CHD6: variants seen among roughly 807,000 people sequenced by gnomAD.
CHD6 encodes the protein ATP-dependent chromatin remodeler CHD6.
In CHD6, 50 loss-of-function variants were observed where a neutral mutation model predicts 276.9. That is an observed-to-expected ratio of 0.18 (90% CI 0.14 to 0.23). The LOEUF is 0.23. CHD6 is among the 10% of genes least tolerant of loss of function. The probability of loss-of-function intolerance (pLI) is 1.00; values close to 1 mark genes in which losing one functional copy is unlikely to be tolerated. For synonymous variants in CHD6, 1,173 were observed against 1,229.3 expected (o/e 0.95, Z 0.96); for missense variants, 2,564 against 3,365.8 (o/e 0.76, Z 5.89).
intron 16 of CHD6, among the ~76,000 whole-genome samples, chr20:41,481,796 T>C (rs889380032): frequency 6.6e-6 from 1 of 151,902 alleles, no homozygotes; most frequent in African/African-American, 2.4e-5. Flanking sequence ...ATCACATAGA[T>C]CATTAAAATT....
intron 1 of CHD6, among the ~76,000 whole-genome samples, chr20:41,585,122 A>G (rs2045580046): frequency 6.6e-6 from 1 of 152,230 alleles, no homozygotes; most frequent in South Asian, 2.1e-4. Context: ...AAATAATGGA[A>G]TATTATTAGC....
chr20:41,534,271 C>T lies in CHD6; in HGVS notation c.34-701G>A, dbSNP rs138693992. Among the ~76,000 whole-genome samples, 976 of 152,272 alleles carry T rather than the reference C, an allele frequency of 6.4e-3. 10 individuals carry two copies. Among genetic ancestry groups the T allele is most frequent in the Middle Eastern group, 0.024 (7 of 294 alleles). On this transcript the variant is annotated intron_variant, in intron 2 of 36. Transcript: ENST00000373233. ...GGGACAAGCAGGCTTTCTAAGAAGACAGTTACAATCATCTTTGCATGATGG... is the reference window on the plus strand; with the variant it reads ...GGGACAAGCAGGCTTTCTAAGAAGATAGTTACAATCATCTTTGCATGATGG...
intron 17 of CHD6, among the ~76,000 whole-genome samples, chr20:41,466,326 AT>A (rs36062360): frequency 6.6e-6 from 1 of 151,884 alleles, no homozygotes. Flanking sequence ...TTTCCACCTT[AT>A]TTTTTTTCCC....
intron 1 of CHD6, among the ~76,000 whole-genome samples, chr20:41,572,506 T>C (rs1247353942): frequency 6.6e-6 from 1 of 152,038 alleles, no homozygotes; most frequent in Admixed American, 6.5e-5. Flanking sequence ...CCTGCAGCCC[T>C]CCTAAAAAGG....
chr20:41,434,176 AC>A (rs1474866450), intron 27 of CHD6, among the ~76,000 whole-genome samples: 1 of 152,170 alleles, frequency 6.6e-6, no homozygotes. Context: ...TCTATAGGAA[AC>A]TCACTTCAAA....
In CHD6 at chr20:41,433,456, C is replaced by A. The variant is rs140928146; in HGVS notation, c.4068+3818G>T. On this transcript the variant is annotated intron_variant, in intron 27 of 36. Coordinates refer to ENST00000373233, the MANE Select transcript of CHD6 (RefSeq NM_032221.5). The stretch of plus-strand genomic sequence containing the variant: ...GGAGGCCAGAAGCAAGCGGCAGTAC[C>A]TTAAGAGCTGAAAGAAAAAAACTAT... Among the ~76,000 whole-genome samples, 419 of 152,166 alleles carry A rather than the reference C, an allele frequency of 2.8e-3. 2 individuals are homozygous for A. The highest frequency in any genetic ancestry group is 0.024 in the Middle Eastern group (7 of 294).
intron 1 of CHD6, among the ~76,000 whole-genome samples, chr20:41,606,653 C>G (rs188409375): frequency 2.1e-5 from 3 of 142,906 alleles, no homozygotes; most frequent in African/African-American, 8.1e-5. Flanking sequence ...TCAGCCTGGG[C>G]AACAGAGCAA....
intron 26 of CHD6, among the ~76,000 whole-genome samples, chr20:41,438,347 A>T (rs969438277): frequency 1.3e-5 from 2 of 152,014 alleles, no homozygotes; most frequent in Non-Finnish European, 2.9e-5. Context: ...CCCAGCCCTT[A>T]GGGAGGCTGA....
chr20:41,503,728 C>G (rs565502034), intron 5 of CHD6, among the ~76,000 whole-genome samples: 2 of 151,986 alleles, frequency 1.3e-5, no homozygotes, highest in East Asian at 1.9e-4. Flanking sequence ...TTAGTTATAT[C>G]GTCAAATGCT....
At chr20:41,554,170 C>T (rs967949510) in intron 1 of CHD6, among the ~76,000 whole-genome samples, 5 of 152,078 alleles carry the variant, frequency 3.3e-5, no homozygotes, top group Admixed American at 2.6e-4. Flanking sequence ...CGAAACACTA[C>T]AGGAAAACTC....
Position 41,452,620 on chromosome 20 carries a change from C to T in CHD6, c.3323+120G>A, listed in dbSNP as rs1330369713. 1.4e-5 allele frequency: 12 copies of T among 847,938 alleles called. No individual in the cohort carries two copies. In the East Asian group the frequency reaches 2.5e-4, roughly 18 times the overall value. The allele number at this position is 847,938 out of a possible 1,614,324, so 52.5% of individuals were successfully genotyped here. ...ACAGTTCTCTCTTGCTCCAACAGATCCCCCTTTGCCCTATAATTCCAAAGG... is the reference window on the plus strand; with the variant it reads ...ACAGTTCTCTCTTGCTCCAACAGATTCCCCTTTGCCCTATAATTCCAAAGG... On this transcript the variant is annotated intron_variant, in intron 21 of 36. Coordinates refer to ENST00000373233, the MANE Select transcript of CHD6 (RefSeq NM_032221.5). This position sits in a 1 kb window ranked among gnomAD's most constrained non-coding sequence, Gnocchi z 4.2.
chr20:41,483,746 T>C (rs1355568652), intron 15 of CHD6, among the ~76,000 whole-genome samples: 1 of 152,012 alleles, frequency 6.6e-6, no homozygotes, highest in Non-Finnish European at 1.5e-5. Context: ...TCTCACCAAG[T>C]AGAGAGAGGA....
intron 9 of CHD6, 29 bp from the exon 10 acceptor site, chr20:41,493,701 T>C (rs776709567): frequency 4.3e-6 from 7 of 1,612,330 alleles, no homozygotes; most frequent in East Asian, 4.5e-5. Context: ...AGAAACTTAA[T>C]GTTCTATTAG....
intron 1 of CHD6, among the ~76,000 whole-genome samples, chr20:41,588,954 T>C (rs1470554400): frequency 6.6e-6 from 1 of 152,164 alleles, no homozygotes; most frequent in Non-Finnish European, 1.5e-5. Flanking sequence ...TGAACATCGA[T>C]GCAAAAATCC....
At chr20:41,547,171 A>G (rs559889066) in intron 2 of CHD6, among the ~76,000 whole-genome samples, 2 of 152,204 alleles carry the variant, frequency 1.3e-5, no homozygotes, top group African/African-American at 2.4e-5. Context: ...AATCATGGTA[A>G]AAGACAAAGT....
chr20:41,437,953 C>T (rs1465544093), intron 26 of CHD6, among the ~76,000 whole-genome samples: 7 of 152,196 alleles, frequency 4.6e-5, no homozygotes, highest in Non-Finnish European at 5.9e-5. Flanking sequence ...TCCAGCCTCA[C>T]GTCTACTCAG....
At chr20:41,495,785 C>T (rs563235230) in intron 8 of CHD6, among the ~76,000 whole-genome samples, 1 of 152,218 alleles carries the variant, frequency 6.6e-6, no homozygotes, top group Non-Finnish European at 1.5e-5. Context: ...AAGCTTAAAA[C>T]GGCAAGAAAA....
chr20:41,583,560 C>T (rs1031932159), intron 1 of CHD6, among the ~76,000 whole-genome samples: 7 of 152,182 alleles, frequency 4.6e-5, no homozygotes, highest in African/African-American at 1.4e-4. Context: ...TGACACTGAA[C>T]AAAAATGAGG....
At chr20:41,592,078 G>A (rs931054562) in intron 1 of CHD6, among the ~76,000 whole-genome samples, 3 of 152,242 alleles carry the variant, frequency 2.0e-5, no homozygotes, top group East Asian at 1.9e-4. Flanking sequence ...CAGCCTGGGC[G>A]ACAGAGTGAG....
Sources: gnomAD v4.1 joint callset for allele counts (sites outside exome capture counted in the v4.1 genomes callset) on GRCh38, gnomAD v4.1.1 for gene constraint, Gnocchi (gnomAD v3.1) non-coding constraint, MANE v1.5 for transcripts, NCBI Gene and HGNC (gene_info 2026-07-23, HGNC 2026-07-21) for gene names.